The following CCNB3 variants were observed in gnomAD, a reference collection of about 807,000 sequenced individuals.
CCNB3 encodes the protein G2/mitotic-specific cyclin-B3.
A neutral mutation model predicts 68.0 loss-of-function variants in CCNB3; 12 were observed. The ratio of observed to expected loss-of-function variants is 0.18; its 90% CI spans 0.11 to 0.29. The LOEUF (loss-of-function observed/expected upper bound fraction) is 0.29, where lower values mean the gene tolerates loss of function less well. Ranked by LOEUF, CCNB3 falls within the 10% of genes least tolerant of loss-of-function variation. The pLI, the probability that CCNB3 is intolerant of heterozygous loss-of-function variation, is 1.00. For synonymous variants in CCNB3, 354 were observed against 388.9 expected, an observed-to-expected ratio of 0.91 and a Z score of 1.06; for missense variants, 904 against 993.1, an observed-to-expected ratio of 0.91 and a Z score of 1.21.
chrX:50,298,445 C>T (rs1480588882), intron 5 of CCNB3, among the ~76,000 whole-genome samples: 2 of 111,759 alleles, frequency 1.8e-5, no homozygotes, highest in Non-Finnish European at 3.8e-5. Flanking sequence ...TATTGATTTT[C>T]ATATGTTGAA....
Position 50,310,234 on chromosome X carries a change from C to T in CCNB3, c.2065C>T (p.Leu689Phe), listed in dbSNP as rs994453050. The change falls in exon 6 of 13, where the codon CTC becomes TTC. Residue 689 changes from leucine to phenylalanine, a missense_variant. Leu to Phe is a conservative substitution (Grantham distance 22, BLOSUM62 0). This residue lies in a region of CCNB3 where 619 missense variants were observed against 609.8 expected (regional missense o/e 1.02). Coordinates refer to ENST00000376042, the MANE Select transcript of CCNB3 (RefSeq NM_033031.3). ...TAAGCATACCAACAAAAGTGGGTCC[C>T]TCTTCCAGGAGGCTTTGGTCTTGCA... ...HVKHTNKSGS[L>F]FQEALVLQEK... 8.3e-7 allele frequency: 1 copy of T among 1,209,833 alleles called. No individual in the cohort carries two copies. The highest frequency in any genetic ancestry group is 1.1e-6 in the Non-Finnish European group (1 of 894,499).
chrX:50,345,829 C>T (rs1436789165), intron 9 of CCNB3, among the ~76,000 whole-genome samples: 14 of 112,220 alleles, frequency 1.2e-4, no homozygotes, highest in Admixed American at 3.8e-4. Flanking sequence ...CTGAGCACAT[C>T]ACTTTTCTCT....
chrX:50,342,101 C>T, intron 8 of CCNB3, 101 bp from the exon 9 acceptor site: 1 of 978,280 alleles, frequency 1.0e-6, no homozygotes, highest in Admixed American at 2.2e-5. Flanking sequence ...CTAGTCAGGA[C>T]TGTTCTTGAT....
chrX:50,320,725 T>C (rs1313829142), intron 8 of CCNB3, among the ~76,000 whole-genome samples: 1 of 111,036 alleles, frequency 9.0e-6, no homozygotes, highest in African/African-American at 3.3e-5. Context: ...AGAGGAGTAC[T>C]GAAGTCTTCA....
At chrX:50,209,741 T>C (rs1246469516) in intron 1 of CCNB3, among the ~76,000 whole-genome samples, 1 of 112,440 alleles carries the variant, frequency 8.9e-6, no homozygotes. Flanking sequence ...ATATTGCTAA[T>C]TTGTGTCTTC....
intron 12 of CCNB3, 46 bp from the exon 13 acceptor site, chrX:50,351,561 G>T (rs886781631): frequency 6.3e-6 from 7 of 1,113,081 alleles, no homozygotes; most frequent in African/African-American, 3.6e-5. Context: ...GAGCATGATT[G>T]TATTTGCCCT....
In CCNB3 at chrX:50,308,614, G is replaced by A. The variant is rs1557213883; in HGVS notation, c.445G>A (p.Glu149Lys). 3.3e-6 allele frequency: 4 copies of A among 1,207,647 alleles called. No homozygotes were observed. The highest frequency in any genetic ancestry group is 4.5e-6 in the Non-Finnish European group (4 of 891,996). ...ISTTSKTPNT[E>K]EASLFRKPLV... The stretch of plus-strand genomic sequence containing the variant: ...CACCACCTCCAAAACACCCAACACT[G>A]AGGAGGCATCTCTCTTCAGAAAGCC... Residue 149 changes from glutamate (E) to lysine (K), a missense_variant, in exon 6 of 13, where the codon GAG becomes AAG. Glu to Lys is a moderately conservative substitution (Grantham distance 56, BLOSUM62 1). Around this residue, in one of 2 missense-constraint regions of CCNB3, gnomAD observed 619 missense variants for 609.8 expected, o/e 1.02. Transcript: ENST00000376042.
At chrX:50,211,988 G>A (rs1348748031) in intron 1 of CCNB3, among the ~76,000 whole-genome samples, 42 of 112,179 alleles carry the variant, frequency 3.7e-4, no homozygotes, top group Middle Eastern at 4.7e-3. Context: ...TACACACTCA[G>A]TAACTTCTGG....
At chrX:50,320,847 T>C (rs1238028372) in intron 8 of CCNB3, among the ~76,000 whole-genome samples, 1 of 110,971 alleles carries the variant, frequency 9.0e-6, no homozygotes, top group Non-Finnish European at 1.9e-5. Flanking sequence ...CTTCTTTATA[T>C]TTATTTCTGA....
At chrX:50,294,775 T>G in intron 4 of CCNB3, 88 bp from the exon 5 acceptor site, 10 of 1,078,768 alleles carry the variant, frequency 9.3e-6, no homozygotes, top group Non-Finnish European at 1.2e-5. Flanking sequence ...GACTTTCCTA[T>G]GAGAGCCACC....
At chrX:50,279,715 C>T (rs1487678451) in intron 1 of CCNB3, among the ~76,000 whole-genome samples, 3 of 87,106 alleles carry the variant, frequency 3.4e-5, no homozygotes, top group Non-Finnish European at 6.4e-5. Flanking sequence ...TATGTATATT[C>T]ATATATGTAA....
intron 1 of CCNB3, among the ~76,000 whole-genome samples, chrX:50,221,224 G>T: frequency 9.0e-6 from 1 of 111,275 alleles, no homozygotes; most frequent in East Asian, 2.8e-4. Context: ...CAAAAAACCA[G>T]CTCCTGTATT....
Position 50,294,956 on chromosome X carries a change from C to T in CCNB3, c.298C>T (p.Leu100Phe). 8.3e-7 allele frequency: 1 copy of T among 1,207,828 alleles called. No individual in the cohort carries two copies. Among genetic ancestry groups the T allele is most frequent in the Non-Finnish European group, 1.1e-6 (1 of 893,571 alleles). ...GAAGATAAACAGGAACACACATGCT[C>T]TTGGACTGGCCAAAAAGAATAAGCG... Reference protein sequence around the residue: ...SKKINRNTHALGLAKKNKRNL... With the variant: ...SKKINRNTHAFGLAKKNKRNL... The change falls in exon 5 of 13, where the codon CTT becomes TTT. Residue 100 changes from leucine (L) to phenylalanine (F), a missense_variant. Around this residue, in one of 2 missense-constraint regions of CCNB3, gnomAD observed 619 missense variants for 609.8 expected, o/e 1.02. Coordinates refer to ENST00000376042, the MANE Select transcript of CCNB3 (RefSeq NM_033031.3).
intron 1 of CCNB3, among the ~76,000 whole-genome samples, chrX:50,208,259 G>T (rs1473854141): frequency 1.8e-5 from 2 of 111,865 alleles, no homozygotes; most frequent in Non-Finnish European, 3.8e-5. Flanking sequence ...AATTAGTGTT[G>T]TGGGAACCCT....
chrX:50,311,580 TTTTG>T, intron 6 of CCNB3, 84 bp downstream of exon 6: 8 of 735,801 alleles, frequency 1.1e-5, no homozygotes, highest in South Asian at 2.9e-5. Context: ...GTTTTTTTTT[TTTTG>T]TTTTTGTTTT....
intron 1 of CCNB3, among the ~76,000 whole-genome samples, chrX:50,225,196 G>A (rs900331253): frequency 0.12 from 12,906 of 110,614 alleles, 1,841 homozygotes; most frequent in African/African-American, 0.4. Flanking sequence ...AAGAGGGGAC[G>A]TTTAAGCTGA....
rs544413256 is a variant in CCNB3 at position 50,281,382 on chromosome X, C to T, written c.-112-3160C>T. On this transcript the variant is annotated intron_variant, in intron 1 of 12. Coordinates refer to ENST00000376042, the MANE Select transcript of CCNB3 (RefSeq NM_033031.3). ...AAGGAGCTCCGTTCATTTCCTTGGCCTCTCCTGGTCTAGGGGTGCGTCGAT... is the reference window on the plus strand; with the variant it reads ...AAGGAGCTCCGTTCATTTCCTTGGCTTCTCCTGGTCTAGGGGTGCGTCGAT... Among the ~76,000 whole-genome samples, 34 of 109,723 alleles carry T rather than the reference C, an allele frequency of 3.1e-4. 1 individual carries two copies. The South Asian group carries it at 0.013, about 43-fold the overall frequency.
rs1557221130 is a variant in CCNB3, at chrX:50,351,346, G to T, written c.4066G>T (p.Ala1356Ser). 1 of 1,211,272 alleles carries T rather than the reference G, an allele frequency of 8.3e-7. No individual in the cohort carries two copies. The highest frequency in any genetic ancestry group is 1.8e-5 in the South Asian group (1 of 56,954). ...TTTCAGTTCTTACGATAGTCTCAAG[G>T]CTGTGTATTACAAGTATTCTCACCC... is the stretch of plus-strand genomic sequence containing the variant. ...LTFSSYDSLKAVYYKYSHPVF... is the reference protein window; with the variant it reads ...LTFSSYDSLKSVYYKYSHPVF... The change falls in exon 12 of 13, where the codon GCT (alanine) becomes TCT (serine). Residue 1356 changes from alanine (A) to serine (S), a missense_variant. Ala to Ser is a moderately conservative substitution (Grantham distance 99). This residue lies in a region of CCNB3 where 285 missense variants were observed against 383.4 expected (regional missense o/e 0.74). Transcript: ENST00000376042.
intron 1 of CCNB3, among the ~76,000 whole-genome samples, chrX:50,206,534 G>A (rs1420695781): frequency 2.0e-4 from 22 of 109,458 alleles, no homozygotes; most frequent in African/African-American, 6.7e-4. Flanking sequence ...GCAGTGAGCC[G>A]AGATCATGCC....
Sources: gnomAD v4.1 joint callset for allele counts (sites outside exome capture counted in the v4.1 genomes callset) on GRCh38, gnomAD v4.1.1 for gene constraint, gnomAD v4.1.1 regional missense constraint, MANE v1.5 for transcripts, NCBI Gene and HGNC (gene_info 2026-07-23, HGNC 2026-07-21) for gene names.